Variants in ITGA10 observed in about 807,000 individuals in gnomAD.
ITGA10 encodes the protein integrin alpha-10.
In ITGA10, 105 loss-of-function variants were observed where a neutral mutation model predicts 145.2. That is an observed-to-expected ratio of 0.72 (90% confidence interval 0.62 to 0.85). The LOEUF (loss-of-function observed/expected upper bound fraction) is 0.85, where lower values mean the gene tolerates loss of function less well. ITGA10 is among the 40% of genes least tolerant of loss of function. The probability of loss-of-function intolerance (pLI) is 0.00; values close to 1 mark genes in which losing one functional copy is unlikely to be tolerated. For synonymous variants in ITGA10, 506 were observed against 557.8 expected, an observed-to-expected ratio of 0.91 and a Z score of 1.31; for missense variants, 1,317 against 1,444.5, an observed-to-expected ratio of 0.91 and a Z score of 1.43.
chr1:145,903,037 A>G, intron 7 of ITGA10, 76 bp from the exon 8 acceptor site: 1 of 888,646 alleles, frequency 1.1e-6, no homozygotes. Flanking sequence ...ACACACACAC[A>G]CACACACACA....
chr1:145,896,331 A>G lies in ITGA10; in HGVS notation c.2856T>C (p.Tyr952=). The change falls in exon 24 of 30, where the codon TAT becomes TAC. Residue 952 remains tyrosine (Y), a synonymous_variant. Transcript: ENST00000369304. The part of the protein sequence containing the change: ...LFSSESTLHR[Y]EVHPYGTLPV... ...GGAGGGTCCCATATGGGTGAACCTC[A>G]TAGCGGTGCAGGGTAGACTCACTGT... The G allele has an allele frequency of 6.2e-7, 1 of 1,614,002 alleles. No individual in the cohort carries two copies. Among genetic ancestry groups the G allele is most frequent in the Non-Finnish European group, 8.5e-7 (1 of 1,179,862 alleles).
intron 22 of ITGA10, 69 bp downstream of exon 22, chr1:145,896,942 T>G (rs1208897233): frequency 1.3e-6 from 2 of 1,549,604 alleles, no homozygotes; most frequent in Non-Finnish European, 1.8e-6. Flanking sequence ...TCAATGTTGT[T>G]CCTCCCCACC....
chr1:145,898,201 G>A lies in ITGA10; in HGVS notation c.2255C>T (p.Pro752Leu), dbSNP rs1553746109. ...GGCAAAGGTCACAGTCAAGGCCACT[G>A]GCCGGAGGTAATCTGATGTATCCTG... ...HVLDTSDYLR[P>L]VALTVTFALD... Residue 752 changes from proline (P) to leucine (L), a missense_variant, in exon 18 of 30, where the codon CCA becomes CTA. Physicochemically the swap from Pro to Leu is moderately conservative, Grantham distance 98. Transcript: ENST00000369304. 2 of 1,613,540 alleles carry A rather than the reference G, an allele frequency of 1.2e-6. No individual in the cohort carries two copies. Among genetic ancestry groups the A allele is most frequent in the South Asian group, 2.2e-5 (2 of 91,064 alleles).
At chr1:145,903,165 T>G (rs898392322) in intron 7 of ITGA10, among the ~76,000 whole-genome samples, 1 of 152,138 alleles carries the variant, frequency 6.6e-6, no homozygotes, top group African/African-American at 2.4e-5. Context: ...AGAGCTCAAA[T>G]GTTTGAAGGT....
rs1553750523 is a variant in ITGA10 at position 145,904,757 on chromosome 1, T to G, written c.536A>C (p.Tyr179Ser). The G allele has an allele frequency of 1.2e-6, 2 of 1,613,842 alleles. No individual in the cohort carries two copies. Among genetic ancestry groups the G allele is most frequent in the East Asian group, 4.5e-5 (2 of 44,876 alleles). ...GAAGGTCTGAACTTCAGACCAGGGG[T>G]AGATGCTGTTGGAGCCATCCAAGAC... The part of the protein sequence containing the change: ...VIVLDGSNSI[Y>S]PWSEVQTFLR... The change falls in exon 6 of 30, where the codon TAC becomes TCC. Residue 179 changes from tyrosine (Y) to serine (S), a missense_variant. Coordinates refer to ENST00000369304, the MANE Select transcript of ITGA10 (RefSeq NM_003637.5).
At chr1:145,900,227 C>T (rs782703190) in intron 14 of ITGA10, 40 bp from the exon 15 acceptor site, 28 of 1,559,048 alleles carry the variant, frequency 1.8e-5, no homozygotes, top group Admixed American at 4.1e-5. Context: ...GGGACCCATA[C>T]ACCTAGTTTC....
In ITGA10 at chr1:145,899,059, T is replaced by A. The variant is rs782378030; in HGVS notation, c.2109A>T (p.Ser703=). The change falls in exon 17 of 30, where the codon TCA becomes TCT. Residue 703 remains serine, a synonymous_variant. Transcript: ENST00000369304. ...GTGCCCCAGCAGTCCATTCATCCAG[T>A]GATGCGGTGAACCTCATGTCTGAAT... ...DHQFYMRFTA[S]LDEWTAGARA... 9 of 1,614,194 alleles carry A rather than the reference T, an allele frequency of 5.6e-6. No homozygotes were observed. The South Asian group carries it at 8.8e-5, about 16-fold the overall frequency.
In ITGA10 at chr1:145,904,185, A is replaced by G. The variant is rs781824658; in HGVS notation, c.625T>C (p.Tyr209His). The G allele has an allele frequency of 3.1e-6, 5 of 1,614,112 alleles. No individual in the cohort carries two copies. The highest frequency in any genetic ancestry group is 3.4e-6 in the Non-Finnish European group (4 of 1,179,996). The change falls in exon 7 of 30, where the codon TAT becomes CAT. Residue 209 changes from tyrosine to histidine, a missense_variant. By Grantham distance (83) the Tyr-to-His change is moderately conservative. Transcript: ENST00000369304. ...PEQIQVGLVQYGESPVHEWSL... is the reference protein window; with the variant it reads ...PEQIQVGLVQHGESPVHEWSL... Reference sequence around the variant, plus strand: ...CACTCATGTACAGGGCTCTCCCCATACTGTACCAGTCCCACCTGGGAATAA... The same window carrying G: ...CACTCATGTACAGGGCTCTCCCCATGCTGTACCAGTCCCACCTGGGAATAA...
At chr1:145,899,443 G>C in intron 15 of ITGA10, 102 bp from the exon 16 acceptor site, 7 of 1,277,024 alleles carry the variant, frequency 5.5e-6, no homozygotes, top group Non-Finnish European at 6.6e-6. Flanking sequence ...AAGAAGGAGG[G>C]GCTGAATGCA....
At chr1:145,894,178 C>A (rs1553744126) in intron 27 of ITGA10, among the ~76,000 whole-genome samples, 1 of 147,290 alleles carries the variant, frequency 6.8e-6, no homozygotes, top group African/African-American at 2.5e-5. Flanking sequence ...GTGGCGTGAT[C>A]TCGGCTCACT....
rs1366575919 is a variant in ITGA10 at position 145,903,002 on chromosome 1, GACACACACACACACACACACATACAC to G, written c.759-67_759-42del. The G allele has an allele frequency of 1.1e-3, 1,226 of 1,096,830 alleles. 9 individuals carry two copies. Among genetic ancestry groups the G allele is most frequent in the Middle Eastern group, 2.6e-3 (11 of 4,292 alleles). 67.9% of individuals were successfully genotyped at this position (1,096,830 alleles called of 1,614,324 possible). ...AGTGAGGTGAGATCAGATGTATGCA[GACACACACACACACACACACATACAC>G]ACACACACACACACACACACACACA... is the stretch of plus-strand genomic sequence containing the variant. On this transcript the variant is annotated intron_variant, in intron 7 of 29. Transcript: ENST00000369304.
At chr1:145,904,908 G>C in intron 5 of ITGA10, 97 bp from the exon 6 acceptor site, 1 of 1,324,246 alleles carries the variant, frequency 7.6e-7, no homozygotes, top group Non-Finnish European at 1.1e-6. Flanking sequence ...ACATTTATAA[G>C]GCACTTCTTA....
Position 145,897,833 on chromosome 1 carries a change from A to G in ITGA10, c.2414T>C (p.Met805Thr). 1 of 1,614,106 alleles carries G rather than the reference A, an allele frequency of 6.2e-7. No individual in the cohort carries two copies. The highest frequency in any genetic ancestry group is 1.3e-5 in the African/African-American group (1 of 75,026). The change falls in exon 19 of 30, where the codon ATG becomes ACG. Residue 805 changes from methionine to threonine, a missense_variant. Physicochemically the swap from Met to Thr is moderately conservative, Grantham distance 81. Coordinates refer to ENST00000369304, the MANE Select transcript of ITGA10 (RefSeq NM_003637.5). ...ATCCAACCTGGAGCCTCTGATGTCC[A>G]TATTCACTTGAAGCACCAGGTCTGT... Reference protein sequence around the residue: ...CVTDLVLQVNMDIRGSRKAPF... With the variant: ...CVTDLVLQVNTDIRGSRKAPF...
Position 145,897,825 on chromosome 1 carries a change from T to C in ITGA10, c.2422A>G (p.Arg808Gly), listed in dbSNP as rs1553745829. 1.9e-6 allele frequency: 3 copies of C among 1,613,870 alleles called. No individual in the cohort carries two copies. Among genetic ancestry groups the C allele is most frequent in the African/African-American group, 1.3e-5 (1 of 74,896 alleles). ...DLVLQVNMDI[R>G]GSRKAPFVVR... ...ACATGTCCATCCAACCTGGAGCCTC[T>C]GATGTCCATATTCACTTGAAGCACC... The change falls in exon 19 of 30, where the codon AGA (arginine) becomes GGA (glycine). Residue 808 changes from arginine (R) to glycine (G), a missense_variant. By Grantham distance (125) the Arg-to-Gly change is moderately radical. Coordinates refer to ENST00000369304, the MANE Select transcript of ITGA10 (RefSeq NM_003637.5).
chr1:145,893,002 A>C, intron 29 of ITGA10, 139 bp from the exon 30 acceptor site: 1 of 936,586 alleles, frequency 1.1e-6, no homozygotes, highest in South Asian at 1.5e-5. Context: ...GGCTTAGAAT[A>C]ATTTAACCAA....
chr1:145,896,894 C>T (rs1655491553), intron 22 of ITGA10, 36 bp from the exon 23 acceptor site: 1 of 1,573,224 alleles, frequency 6.4e-7, no homozygotes. Flanking sequence ...ACATCTCAAC[C>T]CCTCCTCAGA....
At chr1:145,908,350 G>C (rs1406505791) in intron 1 of ITGA10, among the ~76,000 whole-genome samples, 1 of 151,984 alleles carries the variant, frequency 6.6e-6, no homozygotes, top group Non-Finnish European at 1.5e-5. Flanking sequence ...TAACTGGGTG[G>C]GGCCACTCGC....
intron 1 of ITGA10, 72 bp downstream of exon 1, chr1:145,909,891 T>C: frequency 7.6e-7 from 1 of 1,310,904 alleles, no homozygotes; most frequent in Non-Finnish European, 1.1e-6. Context: ...ATTTTAACTA[T>C]AATGGTCCCA....
intron 21 of ITGA10, 47 bp downstream of exon 21, chr1:145,897,200 G>A (rs1553745490): frequency 6.3e-7 from 1 of 1,594,126 alleles, no homozygotes; most frequent in South Asian, 1.1e-5. Flanking sequence ...TCAGATCCCA[G>A]CCTCTGCCCT....
Sources: gnomAD v4.1 joint callset for allele counts (sites outside exome capture counted in the v4.1 genomes callset) on GRCh38, gnomAD v4.1.1 for gene constraint, MANE v1.5 for transcripts, NCBI Gene and HGNC (gene_info 2026-07-23, HGNC 2026-07-21) for gene names.